The following KLHDC4 variants were observed in gnomAD, a reference collection of about 807,000 sequenced individuals.
KLHDC4 encodes the protein kelch domain containing 4.
In KLHDC4, 90 loss-of-function variants were observed where a neutral mutation model predicts 62.4. That is an observed-to-expected ratio of 1.44 (90% CI 1.22 to 1.72). The LOEUF is 1.72. Among genes scored for constraint, KLHDC4 ranks in the 40% most tolerant of loss-of-function variants. KLHDC4 has a pLI of 0.00. For synonymous variants in KLHDC4, 386 were observed against 284.4 expected (o/e 1.36, Z -3.59); for missense variants, 1,025 against 699.7 (o/e 1.47, Z -5.25).
intron 7 of KLHDC4, among the ~76,000 whole-genome samples, chr16:87,717,860 GT>G (rs1476656103): frequency 6.6e-6 from 1 of 152,152 alleles, no homozygotes. Context: ...GAACCGTCTT[GT>G]TTTGCTGACA....
intron 8 of KLHDC4, among the ~76,000 whole-genome samples, chr16:87,712,984 G>A (rs1442426332): frequency 2.0e-5 from 3 of 152,188 alleles, no homozygotes; most frequent in Non-Finnish European, 4.4e-5. Context: ...GTGCCTCCTG[G>A]CATCACTCTC....
intron 4 of KLHDC4, among the ~76,000 whole-genome samples, chr16:87,752,528 G>A (rs145090198): frequency 6.6e-6 from 1 of 151,928 alleles, no homozygotes; most frequent in Non-Finnish European, 1.5e-5. Context: ...GTAGAGACGG[G>A]GTTTCACCAT....
At position 87,730,590 on chromosome 16, in the gene KLHDC4, T is replaced by G; in HGVS notation, c.561A>C (p.Arg187Ser). Residue 187 changes from arginine (R) to serine (S), a missense_variant, in exon 6 of 12, where the codon AGA becomes AGC. Transcript: ENST00000270583. ...RSGHRMVAWK[R>S]QLILFGGFHE... ...GGAAGCCACCAAACAGGATCAATTG[T>G]CTCTTCCAGGCCACCATCCGATGTC... is the stretch of plus-strand genomic sequence containing the variant. 6.2e-7 allele frequency: 1 copy of G among 1,613,082 alleles called. No individual in the cohort carries two copies. Among genetic ancestry groups the G allele is most frequent in the Middle Eastern group, 1.7e-4 (1 of 6,060 alleles).
intron 5 of KLHDC4, among the ~76,000 whole-genome samples, chr16:87,737,465 G>T (rs79495687): frequency 6.6e-6 from 1 of 152,036 alleles, no homozygotes; most frequent in Non-Finnish European, 1.5e-5. Context: ...GTGCGCACCT[G>T]TAATCCCAGC....
intron 1 of KLHDC4, among the ~76,000 whole-genome samples, chr16:87,763,003 A>G (rs1464405628): frequency 7.2e-5 from 11 of 152,208 alleles, no homozygotes; most frequent in African/African-American, 2.6e-4. Flanking sequence ...TCAGCCTGCC[A>G]CGCCCCACCT....
chr16:87,746,043 C>T (rs554404550), intron 5 of KLHDC4, among the ~76,000 whole-genome samples: 45 of 152,136 alleles, frequency 3.0e-4, no homozygotes, highest in Non-Finnish European at 2.4e-4. Flanking sequence ...GTGGGAGAAT[C>T]TCTTGAGGCC....
At chr16:87,706,769 C>T (rs2034785053), downstream of KLHDC4, among the ~76,000 whole-genome samples, 1 of 152,148 alleles carries the variant, frequency 6.6e-6, no homozygotes, top group Non-Finnish European at 1.5e-5. Context: ...GCCGAGTGCC[C>T]CTGAGATGAT....
Position 87,714,575 on chromosome 16 carries a change from T to C in KLHDC4, c.760-2A>G, listed in dbSNP as rs1567672719. The stretch of plus-strand genomic sequence containing the variant: ...CTTGTCCACGTCTTTCTTAACTCTC[T>C]GCAATGGAAAGGAATTGTGTGAGAA... On this transcript the variant is annotated splice_acceptor_variant, in intron 7 of 11. Transcript: ENST00000270583. LOFTEE classifies it high-confidence loss of function. The C allele has an allele frequency of 1.9e-6, 3 of 1,614,092 alleles. No individual in the cohort carries two copies. Among genetic ancestry groups the C allele is most frequent in the Non-Finnish European group, 2.5e-6 (3 of 1,179,980 alleles).
At chr16:87,721,856 G>A (rs1211957897) in intron 7 of KLHDC4, among the ~76,000 whole-genome samples, 1 of 152,170 alleles carries the variant, frequency 6.6e-6, no homozygotes, top group East Asian at 1.9e-4. Context: ...AGGCAGGAAG[G>A]AGGGCCCCGT....
intron 8 of KLHDC4, among the ~76,000 whole-genome samples, chr16:87,713,211 T>G (rs1239497792): frequency 6.6e-6 from 1 of 151,442 alleles, no homozygotes; most frequent in Non-Finnish European, 1.5e-5. Flanking sequence ...ATTTTTTTTG[T>G]TTTTTTGAGA....
chr16:87,760,027 A>C (rs1454647652), intron 2 of KLHDC4, among the ~76,000 whole-genome samples: 1 of 152,064 alleles, frequency 6.6e-6, no homozygotes, highest in African/African-American at 2.4e-5. Flanking sequence ...TCATTCTCAC[A>C]AGGTTTTAAA....
intron 10 of KLHDC4, 27 bp from the exon 11 acceptor site, chr16:87,708,493 C>T (rs1406408201): frequency 1.3e-6 from 2 of 1,547,094 alleles, no homozygotes; most frequent in East Asian, 4.5e-5. Context: ...AACGCACATA[C>T]ACGTCAGCGC....
At chr16:87,745,034 T>G (rs148874176) in intron 5 of KLHDC4, among the ~76,000 whole-genome samples, 1 of 152,398 alleles carries the variant, frequency 6.6e-6, no homozygotes, top group East Asian at 1.9e-4. Flanking sequence ...AAGCATATGT[T>G]GTTCTGCATC....
intron 5 of KLHDC4, among the ~76,000 whole-genome samples, chr16:87,743,759 G>GTAAA (rs150501348): frequency 6.6e-6 from 1 of 151,812 alleles, no homozygotes; most frequent in Non-Finnish European, 1.5e-5. Flanking sequence ...AAAAATAAAA[G>GTAAA]TAAATAAATA....
At chr16:87,751,284 A>C (rs1392715589) in intron 4 of KLHDC4, among the ~76,000 whole-genome samples, 1 of 151,700 alleles carries the variant, frequency 6.6e-6, no homozygotes, top group Non-Finnish European at 1.5e-5. Context: ...GACCAGCCTG[A>C]CCAACATGGT....
chr16:87,723,341 T>C (rs920733091), intron 7 of KLHDC4, among the ~76,000 whole-genome samples: 33 of 152,222 alleles, frequency 2.2e-4, no homozygotes, highest in African/African-American at 7.7e-4. Context: ...ACTAAGTGGA[T>C]TGAGATCACC....
intron 5 of KLHDC4, among the ~76,000 whole-genome samples, chr16:87,734,556 T>C (rs1460710665): frequency 6.6e-6 from 1 of 152,142 alleles, no homozygotes; most frequent in Non-Finnish European, 1.5e-5. Context: ...GCACCCTCCA[T>C]CATATCAGCA....
chr16:87,745,096 G>A (rs1320901765), intron 5 of KLHDC4, among the ~76,000 whole-genome samples: 1 of 152,228 alleles, frequency 6.6e-6, no homozygotes, highest in African/African-American at 2.4e-5. Context: ...TTTCTTTAGG[G>A]TATAATCCTT....
intron 5 of KLHDC4, among the ~76,000 whole-genome samples, chr16:87,732,231 G>A (rs1474060933): frequency 1.3e-5 from 2 of 151,998 alleles, no homozygotes; most frequent in African/African-American, 4.8e-5. Flanking sequence ...AAGTACCTGG[G>A]ATTACAGGTG....
Sources: allele counts gnomAD v4.1 joint callset (sites outside exome capture counted in the v4.1 genomes callset), GRCh38; gene constraint gnomAD v4.1.1; transcripts MANE v1.5; gene names NCBI Gene and HGNC (gene_info 2026-07-23, HGNC 2026-07-21).